Variants in IMPG2 observed in about 807,000 individuals in gnomAD.
The protein encoded by IMPG2 is IPM 200.
Under a neutral mutation model 129.2 loss-of-function variants are expected in IMPG2, and 91 were observed. That is an observed-to-expected ratio of 0.70 (90% CI 0.59 to 0.84). The LOEUF (loss-of-function observed/expected upper bound fraction) is 0.84. Ranked by LOEUF, IMPG2 falls within the 40% of genes least tolerant of loss-of-function variation. IMPG2 has a pLI of 0.00. For synonymous variants in IMPG2, 510 were observed against 517.7 expected, an observed-to-expected ratio of 0.99 and a Z score of 0.20; for missense variants, 1,430 against 1,461.7, an observed-to-expected ratio of 0.98 and a Z score of 0.35.
intron 3 of IMPG2, among the ~76,000 whole-genome samples, chr3:101,300,953 G>T (rs557169591): frequency 3.9e-5 from 6 of 152,296 alleles, no homozygotes; most frequent in South Asian, 2.1e-4. Flanking sequence ...TTGATTTAAA[G>T]TGAGAGACAT....
intron 9 of IMPG2, among the ~76,000 whole-genome samples, chr3:101,261,396 G>A (rs1266216305): frequency 6.6e-6 from 1 of 152,102 alleles, no homozygotes; most frequent in Admixed American, 6.6e-5. Flanking sequence ...CATATGCCTT[G>A]CATGACTTTT....
intron 4 of IMPG2, among the ~76,000 whole-genome samples, chr3:101,284,237 G>A (rs930067714): frequency 6.6e-6 from 1 of 152,194 alleles, no homozygotes; most frequent in African/African-American, 2.4e-5. Context: ...GATGTGTTGA[G>A]TTTGAAATGT....
chr3:101,254,029 C>T (rs949601673), intron 10 of IMPG2, among the ~76,000 whole-genome samples: 11 of 152,060 alleles, frequency 7.2e-5, no homozygotes, highest in Non-Finnish European at 1.2e-4. Flanking sequence ...TAGGACACTC[C>T]TCTATTACTT....
chr3:101,247,902 G>C (rs1293130555), intron 11 of IMPG2, among the ~76,000 whole-genome samples: 1 of 152,098 alleles, frequency 6.6e-6, no homozygotes, highest in Non-Finnish European at 1.5e-5. Flanking sequence ...CTATAGCTAT[G>C]AACAAAATGA....
intron 2 of IMPG2, among the ~76,000 whole-genome samples, chr3:101,304,905 G>A (rs1170284062): frequency 6.7e-6 from 1 of 150,314 alleles, no homozygotes; most frequent in African/African-American, 2.4e-5. Context: ...CTTACAGGAA[G>A]CAGAAAGTAC....
rs537832000 is a variant in IMPG2 at position 101,302,091 on chromosome 3, ATC to A, written c.501+2053_501+2054del. Among the ~76,000 whole-genome samples the A allele has an allele frequency of 2.0e-5, 3 of 152,332 alleles. No homozygotes were observed. In the East Asian group the frequency reaches 5.8e-4, roughly 29 times the overall value. On this transcript the variant is annotated intron_variant, in intron 3 of 18. Coordinates refer to ENST00000193391, the MANE Select transcript of IMPG2 (RefSeq NM_016247.4). ...GCTGTCCTTTCTGCCTAGAATGTTTATCCCCAGCTCTTCTTCATTTAAGTAAC... is the reference window on the plus strand; with the variant it reads ...GCTGTCCTTTCTGCCTAGAATGTTTACCCAGCTCTTCTTCATTTAAGTAAC...
At chr3:101,317,280 G>A (rs1181970151) in intron 2 of IMPG2, among the ~76,000 whole-genome samples, 2 of 151,874 alleles carry the variant, frequency 1.3e-5, no homozygotes, top group East Asian at 1.9e-4. Context: ...GTCCAACAAC[G>A]AATATTTTTT....
intron 3 of IMPG2, among the ~76,000 whole-genome samples, chr3:101,299,586 T>G (rs1384422123): frequency 6.6e-6 from 1 of 152,128 alleles, no homozygotes; most frequent in Non-Finnish European, 1.5e-5. Context: ...TGTAGGGAAT[T>G]TTTTTGTTGT....
At chr3:101,242,294 T>C (rs1706417365) in intron 14 of IMPG2, among the ~76,000 whole-genome samples, 1 of 152,160 alleles carries the variant, frequency 6.6e-6, no homozygotes, top group Non-Finnish European at 1.5e-5. Context: ...ATAAAAAATG[T>C]GGAGAGTTAT....
chr3:101,315,081 AG>A lies in IMPG2; in HGVS notation c.334+4502del, dbSNP rs547517318. ...GATTACTCCACCAAGCATACCTACA[AG>A]GGGTCATAAAATGGCACCCATGCAG... is the stretch of plus-strand genomic sequence containing the variant. On this transcript the variant is annotated intron_variant, in intron 2 of 18. Transcript: ENST00000193391. Among the ~76,000 whole-genome samples, 7 of 152,260 alleles carry A rather than the reference AG, an allele frequency of 4.6e-5. No homozygotes were observed. The South Asian group carries it at 1.5e-3, about 32-fold the overall frequency.
At chr3:101,320,263 A>T (rs573908) in intron 1 of IMPG2, 25 bp downstream of exon 1, 1 of 1,331,006 alleles carries the variant, frequency 7.5e-7, no homozygotes, top group Non-Finnish European at 1.1e-6. Flanking sequence ...TGGAAAGATA[A>T]AAACAAATGT....
Position 101,226,949 on chromosome 3 carries a change from T to C in IMPG2, c.*20A>G. 6.2e-7 allele frequency: 1 copy of C among 1,612,682 alleles called. No individual in the cohort carries two copies. The highest frequency in any genetic ancestry group is 8.5e-7 in the Non-Finnish European group (1 of 1,178,824). On this transcript the variant is annotated 3_prime_UTR_variant, in exon 19 of 19. Transcript: ENST00000193391. The stretch of plus-strand genomic sequence containing the variant: ...CCATCTTCTCCAGGCTTCTAATCAG[T>C]TTCAGAACAGGAGTTTTGGTTAAAC...
intron 4 of IMPG2, 128 bp downstream of exon 4, chr3:101,291,351 C>A (rs1445244417): frequency 1.2e-6 from 1 of 803,702 alleles, no homozygotes; most frequent in African/African-American, 1.7e-5. Context: ...TGGGACTTAT[C>A]CACAGGCCTG....
intron 4 of IMPG2, among the ~76,000 whole-genome samples, chr3:101,287,249 A>T (rs1285712828): frequency 1.3e-5 from 2 of 152,188 alleles, no homozygotes; most frequent in African/African-American, 4.8e-5. Context: ...CCCAAAGCTG[A>T]ATCAATCAAA....
intron 4 of IMPG2, among the ~76,000 whole-genome samples, 198 bp downstream of exon 4, chr3:101,291,281 G>A (rs530798552): frequency 6.6e-6 from 1 of 152,316 alleles, no homozygotes; most frequent in East Asian, 1.9e-4. Context: ...CAGCAAATGC[G>A]CACAGTGGCT....
intron 14 of IMPG2, among the ~76,000 whole-genome samples, chr3:101,236,490 A>G (rs929074710): frequency 6.6e-6 from 1 of 151,980 alleles, no homozygotes; most frequent in African/African-American, 2.4e-5. Flanking sequence ...TGCATTTCCA[A>G]CTGAGGTACC....
intron 15 of IMPG2, 63 bp downstream of exon 15, chr3:101,232,718 G>C: frequency 7.3e-7 from 1 of 1,368,714 alleles, no homozygotes; most frequent in Non-Finnish European, 1.0e-6. Flanking sequence ...ATAGGTGCAG[G>C]CCCCTTTTCT....
At position 101,272,118 on chromosome 3, in the gene IMPG2, C is replaced by T. The variant is rs865846598; in HGVS notation, c.828+1463G>A. On this transcript the variant is annotated intron_variant, in intron 7 of 18. Transcript: ENST00000193391. ...ACACACGCACACACACACACACACA[C>T]ACATACACACACACACAGACACACA... is the stretch of plus-strand genomic sequence containing the variant. Among the ~76,000 whole-genome samples the T allele has an allele frequency of 7.4e-3, 1,125 of 151,270 alleles. 14 individuals carry two copies. The highest frequency in any genetic ancestry group is 0.026 in the African/African-American group (1,070 of 40,992).
At chr3:101,293,956 T>C (rs1159900475) in intron 3 of IMPG2, among the ~76,000 whole-genome samples, 1 of 152,248 alleles carries the variant, frequency 6.6e-6, no homozygotes, top group East Asian at 1.9e-4. Context: ...GGGAATGTTA[T>C]GGCTGGTTTG....
Sources: allele counts gnomAD v4.1 joint callset (sites outside exome capture counted in the v4.1 genomes callset), GRCh38; gene constraint gnomAD v4.1.1; transcripts MANE v1.5; gene names NCBI Gene and HGNC (gene_info 2026-07-23, HGNC 2026-07-21).